Variants in SMIM17 observed in about 807,000 individuals in gnomAD.
The protein encoded by SMIM17 is small integral membrane protein 17.
SMIM17 carries 10 observed loss-of-function variants against 12.2 expected under a neutral mutation model. The ratio of observed to expected loss-of-function variants is 0.82; its 90% CI spans 0.50 to 1.39. The LOEUF is 1.39. SMIM17 is among the 40% of genes most tolerant of loss of function. The probability of loss-of-function intolerance (pLI) is 0.00; values close to 1 mark genes in which losing one functional copy is unlikely to be tolerated. For synonymous variants in SMIM17, 50 were observed against 44.1 expected (o/e 1.13, Z -0.53); for missense variants, 136 against 118.2 (o/e 1.15, Z -0.70).
In SMIM17 at chr19:56,657,166, T is replaced by C. The variant is rs1020597222; in HGVS notation, c.*1953T>C. Among the ~76,000 whole-genome samples the C allele has an allele frequency of 6.6e-6, 1 of 152,204 alleles. No homozygotes were observed. The highest frequency in any genetic ancestry group is 2.4e-5 in the African/African-American group (1 of 41,450). On this transcript the variant is annotated 3_prime_UTR_variant, in exon 4 of 4. Coordinates refer to ENST00000598409, the MANE Select transcript of SMIM17 (RefSeq NM_001193628.2). Reference sequence around the variant, plus strand: ...TAAGTGCAGCATTGTTATGTCCTTGTTAATTAAATAATATATGTAAAACAC... The same window carrying C: ...TAAGTGCAGCATTGTTATGTCCTTGCTAATTAAATAATATATGTAAAACAC...
At chr19:56,649,439 A>G (rs2045092714) in intron 3 of SMIM17, among the ~76,000 whole-genome samples, 2 of 152,216 alleles carry the variant, frequency 1.3e-5, no homozygotes, top group South Asian at 4.1e-4. Context: ...ACGACAATTG[A>G]AATAAGCAGC....
chr19:56,646,643 T>C (rs2045065409), intron 2 of SMIM17, among the ~76,000 whole-genome samples: 1 of 151,964 alleles, frequency 6.6e-6, no homozygotes, highest in African/African-American at 2.4e-5. Context: ...AAGTCAAGAA[T>C]GGAAGGTGGG....
chr19:56,650,720 TCCAG>T (rs1306613063), intron 3 of SMIM17, among the ~76,000 whole-genome samples: 1 of 152,092 alleles, frequency 6.6e-6, no homozygotes, highest in Non-Finnish European at 1.5e-5. Context: ...TGATGACATT[TCCAG>T]ACCTGTGGAA....
intron 3 of SMIM17, among the ~76,000 whole-genome samples, chr19:56,653,724 C>T (rs763303707): frequency 3.9e-5 from 6 of 152,172 alleles, no homozygotes; most frequent in Non-Finnish European, 7.3e-5. Flanking sequence ...GTCATTGTCC[C>T]TAGGTATCTG....
intron 3 of SMIM17, among the ~76,000 whole-genome samples, chr19:56,650,672 C>G (rs1366573769): frequency 6.6e-6 from 1 of 152,106 alleles, no homozygotes; most frequent in African/African-American, 2.4e-5. Flanking sequence ...AGAGTTTGGG[C>G]TTGGAGGGGA....
chr19:56,647,167 C>A (rs1006106857), intron 2 of SMIM17, among the ~76,000 whole-genome samples: 1 of 152,098 alleles, frequency 6.6e-6, no homozygotes, highest in Non-Finnish European at 1.5e-5. Flanking sequence ...TTCTTCTGCT[C>A]CTTCACTCAG....
chr19:56,647,546 A>G lies in SMIM17; in HGVS notation c.170-12A>G, dbSNP rs1322710020. The G allele has an allele frequency of 2.0e-6, 3 of 1,533,950 alleles. No homozygotes were observed. In the Admixed American group the frequency reaches 5.9e-5, roughly 30 times the overall value. ...CATGGCTCCTTTTTCCTCCACTCCC[A>G]CCCTCACCCAGACCTGTCTTCTCAA... On this transcript the variant is annotated splice_polypyrimidine_tract_variant and intron_variant, in intron 2 of 3. Coordinates refer to ENST00000598409, the MANE Select transcript of SMIM17 (RefSeq NM_001193628.2).
At chr19:56,650,420 C>T (rs60183450) in intron 3 of SMIM17, among the ~76,000 whole-genome samples, 6,182 of 152,258 alleles carry the variant, frequency 0.041, 149 homozygotes, top group East Asian at 0.075. Flanking sequence ...AATCCGCCCA[C>T]CTCGGCCTCC....
In SMIM17 at chr19:56,655,102, G is replaced by A; in HGVS notation, c.247-1G>A. 1.5e-6 allele frequency: 1 copy of A among 684,022 alleles called. No homozygotes were observed. The highest frequency in any genetic ancestry group is 2.7e-5 in the East Asian group (1 of 36,960). 42.4% of individuals were successfully genotyped at this position (684,022 alleles called of 1,614,324 possible). The stretch of plus-strand genomic sequence containing the variant: ...TATCCTTTTCCTTTTTTCTGTTTCA[G>A]GGCTTTGTGGAGTGGTCAAAAGCTC... On this transcript the variant is annotated splice_acceptor_variant, in intron 3 of 3. Coordinates refer to ENST00000598409, the MANE Select transcript of SMIM17 (RefSeq NM_001193628.2). LOFTEE classifies it high-confidence loss of function.
chr19:56,651,349 T>G (rs2045107733), intron 3 of SMIM17, among the ~76,000 whole-genome samples: 2 of 152,130 alleles, frequency 1.3e-5, no homozygotes, highest in Non-Finnish European at 2.9e-5. Flanking sequence ...GGGGCAGAGA[T>G]GAAGGCCTCT....
Position 56,654,600 on chromosome 19 carries a change from TACA to T in SMIM17, c.247-498_247-496del, listed in dbSNP as rs199809199. Among the ~76,000 whole-genome samples the T allele has an allele frequency of 5.8e-4, 88 of 152,224 alleles. No individual in the cohort carries two copies. The East Asian group carries it at 6.9e-3, about 12-fold the overall frequency. On this transcript the variant is annotated intron_variant, in intron 3 of 3. Transcript: ENST00000598409. ...GTGGTGTCAGAAAGAGAGTCAAGGA[TACA>T]ACAATTGGAGGTCTGGAGGGGCCTG...
At chr19:56,648,410 C>T (rs2045084797) in intron 3 of SMIM17, among the ~76,000 whole-genome samples, 1 of 152,086 alleles carries the variant, frequency 6.6e-6, no homozygotes, top group Non-Finnish European at 1.5e-5. Flanking sequence ...TCCATCCATC[C>T]ACCCATTCAT....
chr19:56,654,167 T>G (rs1317276401), intron 3 of SMIM17, among the ~76,000 whole-genome samples: 1 of 152,210 alleles, frequency 6.6e-6, no homozygotes, highest in Non-Finnish European at 1.5e-5. Flanking sequence ...CTCTTGGTGC[T>G]TACAGTGTCA....
chr19:56,644,836 G>A (rs1463032302), intron 1 of SMIM17, among the ~76,000 whole-genome samples: 4 of 152,146 alleles, frequency 2.6e-5, no homozygotes, highest in Non-Finnish European at 4.4e-5. Flanking sequence ...GCAGTGGCAC[G>A]ATCCTAGCTC....
chr19:56,644,375 C>T (rs1038563001), intron 1 of SMIM17, among the ~76,000 whole-genome samples: 2 of 152,202 alleles, frequency 1.3e-5, no homozygotes, highest in African/African-American at 2.4e-5. Flanking sequence ...ACTGAGGTTG[C>T]AAATGGGCAA....
intron 3 of SMIM17, among the ~76,000 whole-genome samples, chr19:56,650,612 C>G (rs1463863277): frequency 6.6e-6 from 1 of 152,134 alleles, no homozygotes; most frequent in African/African-American, 2.4e-5. Flanking sequence ...CAGAGAGGAA[C>G]CAAATGGCTT....
chr19:56,645,992 C>G (rs965022789), intron 2 of SMIM17, among the ~76,000 whole-genome samples, 156 bp downstream of exon 2: 4 of 152,200 alleles, frequency 2.6e-5, no homozygotes, highest in African/African-American at 9.7e-5. Context: ...CAAGTCATCC[C>G]CAAACTTAGG....
chr19:56,645,519 C>T (rs1423027062), intron 1 of SMIM17, 49 bp from the exon 2 acceptor site: 5 of 675,596 alleles, frequency 7.4e-6, no homozygotes, highest in South Asian at 5.4e-5. Flanking sequence ...CGTGCCTAGC[C>T]CCTGCTGGCC....
In SMIM17 at chr19:56,655,412, A is replaced by G. The variant is rs2045142340; in HGVS notation, c.*199A>G. ...TTTATTTCCATGAAATGAAGACATC[A>G]TTGATTGTAAAACATTATTTTGTAT... is the stretch of plus-strand genomic sequence containing the variant. On this transcript the variant is annotated 3_prime_UTR_variant, in exon 4 of 4. Coordinates refer to ENST00000598409, the MANE Select transcript of SMIM17 (RefSeq NM_001193628.2). 1 of 469,914 alleles carries G rather than the reference A, an allele frequency of 2.1e-6. No individual in the cohort carries two copies. The highest frequency in any genetic ancestry group is 3.8e-6 in the Non-Finnish European group (1 of 266,428). The allele number at this position is 469,914 out of a possible 1,614,324, so 29.1% of individuals were successfully genotyped here. A position where few individuals can be genotyped will look rare whatever the true frequency, so the allele number is the denominator to read the frequency against.
Sources: allele counts gnomAD v4.1 joint callset (sites outside exome capture counted in the v4.1 genomes callset), GRCh38; gene constraint gnomAD v4.1.1; transcripts MANE v1.5; gene names NCBI Gene and HGNC (gene_info 2026-07-23, HGNC 2026-07-21).